RNF130: variants seen among roughly 807,000 people sequenced by gnomAD.
RNF130 encodes E3 ubiquitin-protein ligase RNF130.
Under a neutral mutation model 44.6 loss-of-function variants are expected in RNF130, and 21 were observed. The observed-to-expected ratio is 0.47, with a 90% CI of 0.33 to 0.68. The LOEUF (loss-of-function observed/expected upper bound fraction) is 0.68. Ranked by LOEUF, RNF130 falls within the 30% of genes least tolerant of loss-of-function variation. RNF130 has a pLI of 0.02. For synonymous variants in RNF130, 214 were observed against 210.4 expected (o/e 1.02, Z -0.15); for missense variants, 479 against 560.6 (o/e 0.85, Z 1.47).
Position 179,966,989 on chromosome 5 carries a change from T to C in RNF130, c.967A>G (p.Asn323Asp). 1 of 1,614,130 alleles carries C rather than the reference T, an allele frequency of 6.2e-7. No homozygotes were observed. Among genetic ancestry groups the C allele is most frequent in the South Asian group, 1.1e-5 (1 of 91,082 alleles). ...GIVPNLPCTDNVAFDMERLTR... is the reference protein window; with the variant it reads ...GIVPNLPCTDDVAFDMERLTR... ...AGCCTTTCCATATCGAATGCTACGT[T>C]ATCAGTACATGGCAAATTCGGCTGC... The change falls in exon 7 of 9, where the codon AAC (asparagine) becomes GAC (aspartate). Residue 323 changes from asparagine (N) to aspartate (D), a missense_variant. By Grantham distance (23) the Asn-to-Asp change is conservative. This residue lies in a region of RNF130 where 161 missense variants were observed against 158.6 expected (regional missense o/e 1.02). Transcript: ENST00000521389.
chr5:180,008,295 C>T (rs753825881), intron 3 of RNF130, among the ~76,000 whole-genome samples: 6 of 151,934 alleles, frequency 3.9e-5, no homozygotes, highest in East Asian at 1.9e-4. Context: ...TCCAGCCAGG[C>T]GCCAAGGGCA....
intron 7 of RNF130, among the ~76,000 whole-genome samples, chr5:179,931,179 G>A (rs1256379856): frequency 6.6e-6 from 1 of 152,116 alleles, no homozygotes; most frequent in African/African-American, 2.4e-5. Flanking sequence ...TCCTGTGACA[G>A]TGTTTCCCGC....
chr5:180,041,439 C>A (rs1262524512), intron 1 of RNF130, among the ~76,000 whole-genome samples: 2 of 152,138 alleles, frequency 1.3e-5, no homozygotes, highest in Non-Finnish European at 2.9e-5. Context: ...TTAAAATACT[C>A]ATAAGTACAT....
At chr5:179,986,865 G>C (rs564638022) in intron 3 of RNF130, among the ~76,000 whole-genome samples, 2 of 151,978 alleles carry the variant, frequency 1.3e-5, no homozygotes, top group South Asian at 2.1e-4. Flanking sequence ...CAGTATTTGA[G>C]AATATTGGTT....
At chr5:179,940,171 G>A (rs1761951995) in intron 7 of RNF130, 1 of 152,776 alleles carries the variant, frequency 6.5e-6, no homozygotes, top group Non-Finnish European at 1.5e-5. Context: ...AATGGGCAAG[G>A]GTGCAGGTGG....
intron 3 of RNF130, among the ~76,000 whole-genome samples, chr5:180,010,191 A>T (rs927611550): frequency 1.4e-4 from 20 of 142,352 alleles, no homozygotes; most frequent in Non-Finnish European, 3.0e-5. Flanking sequence ...AGCTTGCAGT[A>T]AGCTGAGATC....
intron 2 of RNF130, among the ~76,000 whole-genome samples, chr5:180,031,953 T>C (rs1486916812): frequency 6.6e-6 from 1 of 152,250 alleles, no homozygotes; most frequent in Non-Finnish European, 1.5e-5. Flanking sequence ...TTCTAGAGGA[T>C]GTGAAATAGT....
intron 2 of RNF130, among the ~76,000 whole-genome samples, chr5:180,014,081 C>T (rs1012748070): frequency 7.9e-5 from 12 of 152,210 alleles, no homozygotes; most frequent in Non-Finnish European, 1.3e-4. Flanking sequence ...AGTTTGGCAT[C>T]GAAATACCTC....
intron 3 of RNF130, among the ~76,000 whole-genome samples, chr5:179,998,417 A>C: frequency 6.6e-6 from 1 of 152,076 alleles, no homozygotes; most frequent in Non-Finnish European, 1.5e-5. Flanking sequence ...TTCTATCTTT[A>C]TTTCATTTGT....
intron 7 of RNF130, among the ~76,000 whole-genome samples, chr5:179,936,996 T>C (rs1761898431): frequency 6.6e-6 from 1 of 152,214 alleles, no homozygotes; most frequent in South Asian, 2.1e-4. Flanking sequence ...TCTAAAAGTA[T>C]AAAACCGATG....
At chr5:179,964,952 G>C (rs936600070) in intron 7 of RNF130, among the ~76,000 whole-genome samples, 8 of 152,098 alleles carry the variant, frequency 5.3e-5, no homozygotes, top group African/African-American at 1.7e-4. Context: ...TTTAAGTTAG[G>C]GAAAATGTAT....
intron 7 of RNF130, among the ~76,000 whole-genome samples, chr5:179,938,316 C>A (rs1269904014): frequency 2.0e-5 from 3 of 151,990 alleles, no homozygotes; most frequent in African/African-American, 7.3e-5. Flanking sequence ...CAAAAGGTCA[C>A]ATACTTTGCA....
chr5:179,924,829 A>G (rs1761684000), intron 7 of RNF130, among the ~76,000 whole-genome samples: 1 of 152,114 alleles, frequency 6.6e-6, no homozygotes, highest in African/African-American at 2.4e-5. Context: ...AATGGGATCA[A>G]TTCAAAAATG....
chr5:179,936,707 C>T (rs1332872908), intron 7 of RNF130, among the ~76,000 whole-genome samples: 2 of 152,210 alleles, frequency 1.3e-5, no homozygotes, highest in South Asian at 4.1e-4. Flanking sequence ...ACTCAAACTT[C>T]CCAATTCTAA....
At chr5:180,037,476 T>C (rs1312613350) in intron 2 of RNF130, among the ~76,000 whole-genome samples, 2 of 152,214 alleles carry the variant, frequency 1.3e-5, no homozygotes, top group Non-Finnish European at 1.5e-5. Flanking sequence ...GCTTGGCCTA[T>C]GTCACAGAGC....
At chr5:179,973,673 AG>A (rs1022802762) in intron 5 of RNF130, among the ~76,000 whole-genome samples, 4 of 152,158 alleles carry the variant, frequency 2.6e-5, no homozygotes, top group African/African-American at 9.7e-5. Flanking sequence ...TCATTATGGA[AG>A]GTGCTCCATG....
At chr5:180,026,728 CAT>C (rs1238779564) in intron 2 of RNF130, among the ~76,000 whole-genome samples, 5 of 152,176 alleles carry the variant, frequency 3.3e-5, no homozygotes, top group African/African-American at 1.2e-4. Flanking sequence ...AGGTATAAAA[CAT>C]AGCCTTAAAT....
intron 2 of RNF130, among the ~76,000 whole-genome samples, chr5:180,027,646 A>G (rs1764021858): frequency 6.6e-6 from 1 of 152,084 alleles, no homozygotes; most frequent in Non-Finnish European, 1.5e-5. Flanking sequence ...CACCCACTCC[A>G]TTAAGAACCC....
chr5:179,997,054 T>C (rs1225233638), intron 3 of RNF130, among the ~76,000 whole-genome samples: 1 of 152,210 alleles, frequency 6.6e-6, no homozygotes, highest in Non-Finnish European at 1.5e-5. Flanking sequence ...GGTATATGTG[T>C]CTGGGAAAAT....
Sources: gnomAD v4.1 joint callset for allele counts (sites outside exome capture counted in the v4.1 genomes callset) on GRCh38, gnomAD v4.1.1 for gene constraint, gnomAD v4.1.1 regional missense constraint, MANE v1.5 for transcripts, NCBI Gene and HGNC (gene_info 2026-07-23, HGNC 2026-07-21) for gene names.